SPPL3: variants seen among roughly 807,000 people sequenced by gnomAD.
SPPL3 encodes the protein signal peptide peptidase-like 3.
In SPPL3, 5 loss-of-function variants were observed where a neutral mutation model predicts 42.4. The ratio of observed to expected loss-of-function variants is 0.12; its 90% CI spans 0.06 to 0.25. The LOEUF (loss-of-function observed/expected upper bound fraction) is 0.25, where lower values mean the gene tolerates loss of function less well. Ranked by LOEUF, SPPL3 falls within the 10% of genes least tolerant of loss-of-function variation. The pLI is 1.00. For missense variants in SPPL3, 235 were observed against 489.0 expected, an observed-to-expected ratio of 0.48 and a Z score of 4.90; for synonymous variants, 195 against 181.8, an observed-to-expected ratio of 1.07 and a Z score of -0.58.
chr12:120,886,706 G>A (rs762581079), intron 1 of SPPL3, among the ~76,000 whole-genome samples: 1 of 152,042 alleles, frequency 6.6e-6, no homozygotes, highest in Non-Finnish European at 1.5e-5. Context: ...AAACCCGGCA[G>A]TAACAATATA....
chr12:120,804,952 C>T (rs1341519434), intron 2 of SPPL3, among the ~76,000 whole-genome samples: 1 of 152,064 alleles, frequency 6.6e-6, no homozygotes, highest in Non-Finnish European at 1.5e-5. Flanking sequence ...CAAAAACATG[C>T]TAAGTGAAAG....
At chr12:120,851,504 C>G (rs555079729) in intron 1 of SPPL3, among the ~76,000 whole-genome samples, 3 of 152,250 alleles carry the variant, frequency 2.0e-5, no homozygotes, top group South Asian at 4.1e-4. Context: ...TCAGTCGAAG[C>G]AGTATTTGTG....
At chr12:120,827,583 C>A (rs1198190594) in intron 1 of SPPL3, among the ~76,000 whole-genome samples, 2 of 152,110 alleles carry the variant, frequency 1.3e-5, no homozygotes, top group Non-Finnish European at 2.9e-5. Flanking sequence ...GAAGAACTAG[C>A]ATTCCCATCC....
chr12:120,861,612 G>A (rs893276071), intron 1 of SPPL3, among the ~76,000 whole-genome samples: 4 of 152,134 alleles, frequency 2.6e-5, no homozygotes, highest in Non-Finnish European at 4.4e-5. Flanking sequence ...TCATTGAAAC[G>A]CATCCTAGCA....
At chr12:120,885,041 C>A (rs1873410145) in intron 1 of SPPL3, among the ~76,000 whole-genome samples, 1 of 152,016 alleles carries the variant, frequency 6.6e-6, no homozygotes, top group African/African-American at 2.4e-5. Flanking sequence ...TCACTGCAGA[C>A]TGCACTCAGT....
chr12:120,900,506 G>A (rs1453018352), intron 1 of SPPL3, among the ~76,000 whole-genome samples: 2 of 151,614 alleles, frequency 1.3e-5, no homozygotes, highest in African/African-American at 4.8e-5. Flanking sequence ...TCAGGAGGCT[G>A]AGGTGGGAGG....
chr12:120,828,088 T>G (rs1871284257), intron 1 of SPPL3, among the ~76,000 whole-genome samples: 1 of 152,184 alleles, frequency 6.6e-6, no homozygotes, highest in Non-Finnish European at 1.5e-5. Context: ...ACGTCTGGCC[T>G]AAGTCTCAAA....
At chr12:120,787,660 TTC>T (rs141234702) in intron 3 of SPPL3, among the ~76,000 whole-genome samples, 1 of 151,670 alleles carries the variant, frequency 6.6e-6, no homozygotes. Context: ...AATCACTACT[TTC>T]TCTCTCTCTC....
chr12:120,847,195 A>C (rs1220096781), intron 1 of SPPL3, among the ~76,000 whole-genome samples: 1 of 152,228 alleles, frequency 6.6e-6, no homozygotes, highest in Non-Finnish European at 1.5e-5. Flanking sequence ...AGAAAGGGAG[A>C]TGTAACATCA....
intron 1 of SPPL3, among the ~76,000 whole-genome samples, chr12:120,836,869 G>C (rs978295793): frequency 2.6e-5 from 4 of 152,134 alleles, no homozygotes; most frequent in Non-Finnish European, 5.9e-5. Context: ...AAGTAACCAG[G>C]GGTATCTGAA....
intron 1 of SPPL3, among the ~76,000 whole-genome samples, chr12:120,857,789 G>A (rs1208765297): frequency 6.6e-6 from 1 of 152,134 alleles, no homozygotes; most frequent in African/African-American, 2.4e-5. Context: ...GACACAGGGA[G>A]GGGAACAACA....
At chr12:120,887,091 A>C (rs988054612) in intron 1 of SPPL3, among the ~76,000 whole-genome samples, 2 of 151,792 alleles carry the variant, frequency 1.3e-5, no homozygotes, top group Admixed American at 6.6e-5. Context: ...CTTGTGCCTC[A>C]GCCTCCCACC....
intron 1 of SPPL3, among the ~76,000 whole-genome samples, chr12:120,850,044 A>C (rs1872171497): frequency 6.6e-6 from 1 of 152,192 alleles, no homozygotes; most frequent in African/African-American, 2.4e-5. Flanking sequence ...TGCACCTGAG[A>C]GGCTCTGAAA....
intron 1 of SPPL3, chr12:120,845,564 C>A: frequency 2.1e-6 from 1 of 483,170 alleles, no homozygotes; most frequent in Non-Finnish European, 4.0e-6. Flanking sequence ...GGACTGTGGT[C>A]TTCCCTGCAG....
At chr12:120,817,725 C>T (rs1870928688) in intron 1 of SPPL3, among the ~76,000 whole-genome samples, 1 of 152,186 alleles carries the variant, frequency 6.6e-6, no homozygotes, top group African/African-American at 2.4e-5. Context: ...AGTAGGCTCA[C>T]TTTTCACCTA....
chr12:120,890,545 C>T (rs567785271), intron 1 of SPPL3, among the ~76,000 whole-genome samples: 4 of 148,050 alleles, frequency 2.7e-5, no homozygotes, highest in African/African-American at 7.5e-5. Flanking sequence ...GCAGAGATCG[C>T]GCCATTGTAC....
At chr12:120,861,349 C>G (rs983057909) in intron 1 of SPPL3, among the ~76,000 whole-genome samples, 2 of 151,940 alleles carry the variant, frequency 1.3e-5, no homozygotes, top group African/African-American at 4.8e-5. Context: ...TGAGAACATG[C>G]TAGAAAAACA....
chr12:120,816,353 T>C (rs1482919688), intron 1 of SPPL3, among the ~76,000 whole-genome samples: 1 of 152,214 alleles, frequency 6.6e-6, no homozygotes, highest in African/African-American at 2.4e-5. Flanking sequence ...CCCCTAATAT[T>C]GTACATGGTA....
chr12:120,809,140 T>C (rs769219214), intron 2 of SPPL3, among the ~76,000 whole-genome samples: 2 of 152,122 alleles, frequency 1.3e-5, no homozygotes, highest in Non-Finnish European at 2.9e-5. Flanking sequence ...GGTCAGGAGA[T>C]AGAGACCATC....
Sources: allele counts gnomAD v4.1 joint callset (sites outside exome capture counted in the v4.1 genomes callset), GRCh38; gene constraint gnomAD v4.1.1; transcripts MANE v1.5; gene names NCBI Gene and HGNC (gene_info 2026-07-23, HGNC 2026-07-21).